CFAP70: variants seen among roughly 807,000 people sequenced by gnomAD.
The protein encoded by CFAP70 is cilia- and flagella-associated protein 70.
Under a neutral mutation model 137.6 loss-of-function variants are expected in CFAP70, and 81 were observed. The observed-to-expected ratio is 0.59, with a 90% confidence interval of 0.49 to 0.71. The LOEUF (loss-of-function observed/expected upper bound fraction) is 0.71. Among genes scored for constraint, CFAP70 ranks in the 30% least tolerant of loss-of-function variants. The pLI is 0.00. For missense variants in CFAP70, 976 were observed against 1,226.7 expected, an observed-to-expected ratio of 0.80 and a Z score of 3.05; for synonymous variants, 382 against 423.6, an observed-to-expected ratio of 0.90 and a Z score of 1.20.
intron 19 of CFAP70, among the ~76,000 whole-genome samples, chr10:73,287,460 TTTGA>T (rs2047819139): frequency 6.6e-6 from 1 of 152,240 alleles, no homozygotes; most frequent in South Asian, 2.1e-4. Flanking sequence ...AAAACGATGC[TTTGA>T]TTATGTAGGA....
At chr10:73,349,507 C>T (rs1301595653) in intron 3 of CFAP70, among the ~76,000 whole-genome samples, 3 of 148,982 alleles carry the variant, frequency 2.0e-5, no homozygotes, top group Non-Finnish European at 3.0e-5. Context: ...TGTGCCACTG[C>T]ATTACAGCCT....
At chr10:73,308,172 G>GAA (rs902309931) in intron 12 of CFAP70, among the ~76,000 whole-genome samples, 1 of 151,488 alleles carries the variant, frequency 6.6e-6, no homozygotes, top group Non-Finnish European at 1.5e-5. Context: ...AAGAAAGAAA[G>GAA]AAAGGATTTG....
chr10:73,258,623 G>A (rs1396319624), intron 25 of CFAP70, among the ~76,000 whole-genome samples: 7 of 152,344 alleles, frequency 4.6e-5, no homozygotes, highest in East Asian at 3.9e-4. Context: ...CTGCAGGGCC[G>A]GACAGAACAG....
chr10:73,336,410 C>T (rs1204353208), intron 6 of CFAP70, among the ~76,000 whole-genome samples: 3 of 151,950 alleles, frequency 2.0e-5, no homozygotes, highest in African/African-American at 7.3e-5. Flanking sequence ...AAAGATAATG[C>T]ACAGTGTTTT....
chr10:73,338,654 C>T (rs1283641237), intron 6 of CFAP70, among the ~76,000 whole-genome samples: 1 of 151,894 alleles, frequency 6.6e-6, no homozygotes, highest in East Asian at 1.9e-4. Flanking sequence ...TGGTCTCGAA[C>T]TCCTAACCTT....
chr10:73,289,006 C>G (rs1464919599), intron 19 of CFAP70, among the ~76,000 whole-genome samples: 3 of 152,164 alleles, frequency 2.0e-5, no homozygotes, highest in Admixed American at 1.3e-4. Context: ...AAGGTGTCAC[C>G]TTACATTGGT....
intron 11 of CFAP70, among the ~76,000 whole-genome samples, chr10:73,310,530 T>G (rs2049822913): frequency 6.6e-6 from 1 of 152,206 alleles, no homozygotes; most frequent in Non-Finnish European, 1.5e-5. Flanking sequence ...TTCTCAATAC[T>G]TTCCCAGGAA....
chr10:73,262,892 C>A (rs977041755), intron 25 of CFAP70, among the ~76,000 whole-genome samples: 1 of 152,114 alleles, frequency 6.6e-6, no homozygotes, highest in African/African-American at 2.4e-5. Flanking sequence ...ACACCTAACT[C>A]TTCCTGAACA....
At chr10:73,358,799 G>A (rs1326845070), upstream of CFAP70, 1 of 152,366 alleles carries the variant, frequency 6.6e-6, no homozygotes, top group Non-Finnish European at 1.5e-5. Flanking sequence ...GCACGAGCAA[G>A]TTTATTCCAA....
chr10:73,329,334 C>T lies in CFAP70; in HGVS notation c.777+1843G>A, dbSNP rs565931560. ...GAAGGGGAACATCACACTTTGGGGA[C>T]GGTTGTGGGGTCGGGGGAGCGGGGA... On this transcript the variant is annotated intron_variant, in intron 8 of 26. Transcript: ENST00000310715. Among the ~76,000 whole-genome samples, 16 of 151,044 alleles carry T rather than the reference C, an allele frequency of 1.1e-4. No homozygotes were observed. In the East Asian group the frequency reaches 1.4e-3, roughly 13 times the overall value.
chr10:73,280,291 A>C (rs1368142545), intron 19 of CFAP70, among the ~76,000 whole-genome samples: 3 of 152,180 alleles, frequency 2.0e-5, no homozygotes, highest in African/African-American at 7.2e-5. Flanking sequence ...CAACATAACA[A>C]AACCTTGTCT....
intron 19 of CFAP70, among the ~76,000 whole-genome samples, chr10:73,279,472 C>T (rs1016864797): frequency 2.0e-5 from 3 of 150,968 alleles, no homozygotes; most frequent in African/African-American, 7.3e-5. Flanking sequence ...TGCAGTGAGC[C>T]CAGATGGTGC....
At chr10:73,304,894 C>A (rs1443442662) in intron 12 of CFAP70, among the ~76,000 whole-genome samples, 1 of 151,344 alleles carries the variant, frequency 6.6e-6, no homozygotes, top group Non-Finnish European at 1.5e-5. Context: ...TCAGAACCAA[C>A]TTGTTAGAAT....
chr10:73,261,091 A>G (rs1363949188), intron 25 of CFAP70, among the ~76,000 whole-genome samples: 1 of 151,930 alleles, frequency 6.6e-6, no homozygotes, highest in Admixed American at 6.6e-5. Context: ...ATTCCAGTTT[A>G]TCCACATCTT....
At chr10:73,307,422 G>T (rs1010658709) in intron 12 of CFAP70, among the ~76,000 whole-genome samples, 1 of 152,162 alleles carries the variant, frequency 6.6e-6, no homozygotes, top group African/African-American at 2.4e-5. Flanking sequence ...GACACTGGCA[G>T]ATTAGATTAG....
intron 10 of CFAP70, among the ~76,000 whole-genome samples, chr10:73,312,140 T>C (rs1233301469): frequency 2.0e-5 from 3 of 152,106 alleles, no homozygotes; most frequent in Admixed American, 1.3e-4. Flanking sequence ...AAGTGGGAGT[T>C]GAACCATGAA....
At chr10:73,353,314 C>T (rs2054420882) in intron 3 of CFAP70, among the ~76,000 whole-genome samples, 1 of 152,076 alleles carries the variant, frequency 6.6e-6, no homozygotes, top group Admixed American at 6.6e-5. Context: ...AACCCAAGCC[C>T]CTAGGTTTTG....
intron 12 of CFAP70, among the ~76,000 whole-genome samples, chr10:73,308,267 G>A (rs2049569194): frequency 6.6e-6 from 1 of 152,054 alleles, no homozygotes; most frequent in Non-Finnish European, 1.5e-5. Flanking sequence ...CTTCTCAAGT[G>A]CACATAGAAC....
At chr10:73,322,153 C>T (rs1039658779) in intron 9 of CFAP70, among the ~76,000 whole-genome samples, 1 of 152,146 alleles carries the variant, frequency 6.6e-6, no homozygotes, top group Non-Finnish European at 1.5e-5. Flanking sequence ...AAAAAATAAA[C>T]CATACATATT....
Sources: allele counts gnomAD v4.1 joint callset (sites outside exome capture counted in the v4.1 genomes callset), GRCh38; gene constraint gnomAD v4.1.1; transcripts MANE v1.5; gene names NCBI Gene and HGNC (gene_info 2026-07-23, HGNC 2026-07-21).